Variants in CSMD1 observed in about 807,000 individuals in gnomAD.
The protein encoded by CSMD1 is CUB and sushi domain-containing protein 1.
CSMD1 carries 213 observed loss-of-function variants against 417.5 expected under a neutral mutation model. The ratio of observed to expected loss-of-function variants is 0.51; its 90% CI spans 0.46 to 0.57. The LOEUF (loss-of-function observed/expected upper bound fraction) is 0.57. Among genes scored for constraint, CSMD1 ranks in the 20% least tolerant of loss-of-function variants. The pLI is 0.00. For missense variants in CSMD1, 6,923 were observed against 4,529.7 expected (o/e 1.53, Z -15.17); for synonymous variants, 2,862 against 1,736.8 (o/e 1.65, Z -16.11).
intron 3 of CSMD1, among the ~76,000 whole-genome samples, chr8:4,394,319 A>G (rs1563127629): frequency 6.6e-6 from 1 of 152,162 alleles, no homozygotes; most frequent in African/African-American, 2.4e-5. Context: ...TGTTTCAATA[A>G]TTTAATGGAG....
At position 2,965,839 on chromosome 8, in the gene CSMD1, G is replaced by A; in HGVS notation, c.9216C>T (p.Val3072=). The A allele has an allele frequency of 6.2e-7, 1 of 1,608,544 alleles. No individual in the cohort carries two copies. ...QCNPGYVMEA[V]TSATIRCTKD... is the part of the protein sequence containing the mutation. ...TGGTACAGCGAATAGTGGCGGATGT[G>A]ACTGCTTCCATGACATAGCCTGGGT... is the stretch of plus-strand genomic sequence containing the variant. Residue 3072 remains valine (V), a synonymous_variant, in exon 59 of 70, where the codon GTC becomes GTT. Coordinates refer to ENST00000635120, the MANE Select transcript of CSMD1 (RefSeq NM_033225.6).
intron 2 of CSMD1, among the ~76,000 whole-genome samples, chr8:4,438,538 G>C (rs1360760466): frequency 6.6e-6 from 1 of 152,184 alleles, no homozygotes; most frequent in African/African-American, 2.4e-5. Flanking sequence ...CCTTTCACAT[G>C]TTTTACTTTC....
At chr8:4,621,958 A>G (rs923014612) in intron 2 of CSMD1, among the ~76,000 whole-genome samples, 3 of 152,132 alleles carry the variant, frequency 2.0e-5, no homozygotes, top group African/African-American at 7.2e-5. Context: ...TGCCAAAATC[A>G]TATGAAAAAA....
At chr8:2,963,169 C>T (rs762007450) in intron 60 of CSMD1, 53 bp downstream of exon 60, 63 of 1,584,390 alleles carry the variant, frequency 4.0e-5, no homozygotes, top group Non-Finnish European at 4.7e-5. Context: ...CCTGGTTATC[C>T]GTCCCTGTTG....
At chr8:3,652,986 G>A (rs1042281468) in intron 7 of CSMD1, among the ~76,000 whole-genome samples, 2 of 152,212 alleles carry the variant, frequency 1.3e-5, no homozygotes, top group South Asian at 2.1e-4. Flanking sequence ...AATTAGCATT[G>A]TCTGCACTAT....
At chr8:4,835,222 G>A (rs188837228) in intron 1 of CSMD1, among the ~76,000 whole-genome samples, 1 of 152,156 alleles carries the variant, frequency 6.6e-6, no homozygotes, top group East Asian at 1.9e-4. Context: ...TCAGAGAGGA[G>A]ATAAATGATT....
chr8:3,832,298 T>G (rs1262784543), intron 5 of CSMD1, among the ~76,000 whole-genome samples: 1 of 152,198 alleles, frequency 6.6e-6, no homozygotes, highest in Admixed American at 6.6e-5. Flanking sequence ...ATTTTAATCT[T>G]TACCGTTAAA....
At chr8:3,985,106 A>G (rs567517568) in intron 5 of CSMD1, among the ~76,000 whole-genome samples, 38 of 152,160 alleles carry the variant, frequency 2.5e-4, no homozygotes, top group Admixed American at 4.6e-4. Context: ...GGGACTTGTC[A>G]TGAAGAATTA....
At chr8:4,298,623 G>A (rs573090192) in intron 3 of CSMD1, among the ~76,000 whole-genome samples, 11 of 151,968 alleles carry the variant, frequency 7.2e-5, no homozygotes, top group South Asian at 2.1e-4. Context: ...ATATGCAAAC[G>A]TTATAGAACA....
At chr8:4,632,844 G>C (rs137984696) in intron 2 of CSMD1, among the ~76,000 whole-genome samples, 1 of 152,168 alleles carries the variant, frequency 6.6e-6, no homozygotes, top group African/African-American at 2.4e-5. Flanking sequence ...TATTCAGACC[G>C]GTAGAGGGAG....
chr8:3,718,809 G>A (rs1801981496), intron 6 of CSMD1, among the ~76,000 whole-genome samples: 1 of 152,128 alleles, frequency 6.6e-6, no homozygotes, highest in Non-Finnish European at 1.5e-5. Flanking sequence ...ATTTCCCTGT[G>A]ATTTAAGTTT....
intron 3 of CSMD1, among the ~76,000 whole-genome samples, chr8:4,147,282 C>G (rs1406619909): frequency 1.3e-5 from 2 of 152,144 alleles, no homozygotes; most frequent in African/African-American, 4.8e-5. Context: ...CTGCGTAATT[C>G]CATACAAAGT....
At chr8:4,240,987 C>T (rs180911855) in intron 3 of CSMD1, among the ~76,000 whole-genome samples, 9 of 152,266 alleles carry the variant, frequency 5.9e-5, no homozygotes, top group South Asian at 2.1e-4. Flanking sequence ...TCAATTATTT[C>T]CAGCCAACGT....
chr8:3,720,942 A>G (rs954746081), intron 6 of CSMD1, among the ~76,000 whole-genome samples: 5 of 151,802 alleles, frequency 3.3e-5, no homozygotes, highest in African/African-American at 1.2e-4. Flanking sequence ...CAGCCTCCCA[A>G]CTAGCTGGGA....
intron 1 of CSMD1, among the ~76,000 whole-genome samples, chr8:4,780,034 C>G (rs1162657257): frequency 1.3e-5 from 2 of 151,988 alleles, no homozygotes; most frequent in Non-Finnish European, 2.9e-5. Context: ...AGCAACAAGC[C>G]ATTCAATTCT....
chr8:3,629,640 T>C (rs959841897), intron 7 of CSMD1, among the ~76,000 whole-genome samples: 1 of 152,222 alleles, frequency 6.6e-6, no homozygotes, highest in Non-Finnish European at 1.5e-5. Context: ...TCAGGATTAT[T>C]TTATCAAGGA....
intron 3 of CSMD1, among the ~76,000 whole-genome samples, chr8:4,299,833 C>G (rs1438226253): frequency 1.3e-5 from 2 of 152,030 alleles, no homozygotes; most frequent in African/African-American, 4.8e-5. Context: ...TTTTCACCTT[C>G]TTGGCCAGGA....
At chr8:3,877,720 T>A (rs546494067) in intron 5 of CSMD1, among the ~76,000 whole-genome samples, 3 of 152,316 alleles carry the variant, frequency 2.0e-5, no homozygotes, top group South Asian at 2.1e-4. Context: ...GCAGTCACAA[T>A]AAAATAGCAA....
At chr8:4,633,824 T>C (rs13269324) in intron 2 of CSMD1, among the ~76,000 whole-genome samples, 1 of 151,656 alleles carries the variant, frequency 6.6e-6, no homozygotes, top group Non-Finnish European at 1.5e-5. Context: ...GCCTCCCAAA[T>C]TGCTGGGATT....
Sources: allele counts gnomAD v4.1 joint callset (sites outside exome capture counted in the v4.1 genomes callset), GRCh38; gene constraint gnomAD v4.1.1; transcripts MANE v1.5; gene names NCBI Gene and HGNC (gene_info 2026-07-23, HGNC 2026-07-21).